Variants in EXOC4 observed in about 807,000 individuals in gnomAD.
EXOC4 encodes SEC8-like 1.
EXOC4 carries 71 observed loss-of-function variants against 107.2 expected under a neutral mutation model. The observed-to-expected ratio is 0.66, with a 90% CI of 0.55 to 0.81. EXOC4 has a LOEUF of 0.81. EXOC4 is among the 30% of genes least tolerant of loss of function. EXOC4 has a pLI of 0.00. For missense variants in EXOC4, 1,108 were observed against 1,189.6 expected (o/e 0.93, Z 1.01); for synonymous variants, 456 against 441.2 (o/e 1.03, Z -0.42).
chr7:133,544,688 T>C (rs1800446115), intron 9 of EXOC4, among the ~76,000 whole-genome samples: 1 of 151,702 alleles, frequency 6.6e-6, no homozygotes, highest in Non-Finnish European at 1.5e-5. Context: ...TTGTTAGATA[T>C]TTTGTCAAAT....
At position 133,509,996 on chromosome 7, in the gene EXOC4, C is replaced by T. The variant is rs189082340; in HGVS notation, c.1417+29858C>T. 3.9e-5 allele frequency among the ~76,000 whole-genome samples: 6 copies of T among 152,252 alleles called. No homozygotes were observed. In the East Asian group the frequency reaches 1.2e-3, roughly 29 times the overall value. On this transcript the variant is annotated intron_variant, in intron 9 of 17. Coordinates refer to ENST00000253861, the MANE Select transcript of EXOC4 (RefSeq NM_021807.4). Reference sequence around the variant, plus strand: ...TAACAAGTTTATTGAGGCGTAATTACAGAACATAAAATTCACTGCTTTTAA... The same window carrying T: ...TAACAAGTTTATTGAGGCGTAATTATAGAACATAAAATTCACTGCTTTTAA...
intron 11 of EXOC4, 92 bp downstream of exon 11, chr7:133,817,636 T>A: frequency 1.1e-6 from 1 of 896,250 alleles, no homozygotes; most frequent in Non-Finnish European, 1.7e-6. Flanking sequence ...TTACCATCTG[T>A]TTCCATATTC....
At chr7:133,301,038 G>C (rs752992278) in intron 3 of EXOC4, among the ~76,000 whole-genome samples, 18 of 152,134 alleles carry the variant, frequency 1.2e-4, no homozygotes, top group African/African-American at 4.3e-4. Flanking sequence ...AAATATCTTC[G>C]CTGCTTGCTT....
chr7:133,721,900 T>TTTTG (rs919977009), intron 10 of EXOC4, among the ~76,000 whole-genome samples: 3 of 152,150 alleles, frequency 2.0e-5, no homozygotes, highest in Admixed American at 6.6e-5. Flanking sequence ...ACCCAGGAGT[T>TTTTG]TTTGTTTGTT....
chr7:134,044,681 C>T (rs1431700477), intron 17 of EXOC4, among the ~76,000 whole-genome samples: 5 of 152,334 alleles, frequency 3.3e-5, no homozygotes, highest in Non-Finnish European at 5.9e-5. Context: ...ATGTAGCACA[C>T]GTTAGCACAA....
At chr7:134,056,283 C>T (rs902285516) in intron 17 of EXOC4, among the ~76,000 whole-genome samples, 1 of 152,144 alleles carries the variant, frequency 6.6e-6, no homozygotes, top group Non-Finnish European at 1.5e-5. Context: ...GAATAGCACT[C>T]CTTAACCTGG....
At chr7:133,381,363 T>C (rs546773492) in intron 7 of EXOC4, among the ~76,000 whole-genome samples, 15 of 152,072 alleles carry the variant, frequency 9.9e-5, no homozygotes, top group Non-Finnish European at 1.5e-4. Context: ...AGATGTAATA[T>C]GTAATGTTAT....
intron 14 of EXOC4, among the ~76,000 whole-genome samples, chr7:133,962,345 C>T (rs1166417240): frequency 6.6e-6 from 1 of 152,172 alleles, no homozygotes; most frequent in Non-Finnish European, 1.5e-5. Context: ...TACACATACC[C>T]CTGAGCTTTT....
At chr7:133,687,756 T>C (rs1440194059) in intron 10 of EXOC4, among the ~76,000 whole-genome samples, 1 of 152,106 alleles carries the variant, frequency 6.6e-6, no homozygotes, top group African/African-American at 2.4e-5. Flanking sequence ...TTAATACAAG[T>C]GCTAATTTTT....
At chr7:133,843,956 A>G (rs1798071521) in intron 11 of EXOC4, among the ~76,000 whole-genome samples, 1 of 152,142 alleles carries the variant, frequency 6.6e-6, no homozygotes, top group Non-Finnish European at 1.5e-5. Flanking sequence ...TTATGTGATG[A>G]ACTCACATTT....
intron 7 of EXOC4, among the ~76,000 whole-genome samples, chr7:133,447,910 A>G (rs1340541541): frequency 1.3e-5 from 2 of 152,228 alleles, no homozygotes; most frequent in Non-Finnish European, 2.9e-5. Context: ...GTTCCTAAGC[A>G]AAAAATGTCT....
chr7:133,735,061 A>T (rs1489218009), intron 10 of EXOC4, among the ~76,000 whole-genome samples: 1 of 149,294 alleles, frequency 6.7e-6, no homozygotes, highest in East Asian at 2.0e-4. Context: ...AAAAAAAAAA[A>T]AAAAAAATAC....
chr7:133,463,895 G>A (rs1169833198), intron 7 of EXOC4, among the ~76,000 whole-genome samples: 3 of 152,128 alleles, frequency 2.0e-5, no homozygotes, highest in African/African-American at 7.2e-5. Flanking sequence ...CTTATAAAGT[G>A]ATTGCTGTGC....
intron 10 of EXOC4, among the ~76,000 whole-genome samples, chr7:133,759,457 G>C (rs561297093): frequency 6.6e-6 from 1 of 152,182 alleles, no homozygotes; most frequent in Admixed American, 6.5e-5. Context: ...CAGATCTACA[G>C]TGGCTTTCCA....
intron 9 of EXOC4, among the ~76,000 whole-genome samples, chr7:133,489,008 T>C (rs532385936): frequency 2.5e-4 from 14 of 56,672 alleles, no homozygotes; most frequent in African/African-American, 6.2e-4. Flanking sequence ...TATATATGAA[T>C]CTAATATATA....
At chr7:133,836,103 A>G (rs1187959229) in intron 11 of EXOC4, among the ~76,000 whole-genome samples, 1 of 152,244 alleles carries the variant, frequency 6.6e-6, no homozygotes, top group East Asian at 1.9e-4. Flanking sequence ...TGATGGAAAT[A>G]TAATATAGCA....
At chr7:133,538,024 AG>A (rs546708518) in intron 9 of EXOC4, among the ~76,000 whole-genome samples, 14 of 152,122 alleles carry the variant, frequency 9.2e-5, no homozygotes, top group Non-Finnish European at 1.9e-4. Context: ...TGTGACTGAC[AG>A]GTATCTGAGG....
rs150249696 is a variant in EXOC4 at position 133,438,945 on chromosome 7, T to C, written c.1183-36383T>C. ...ATTTTGCTGAGGTGCTGATAGAACATAAGAACAATGACTGGGAATCAGGAA... is the reference window on the plus strand; with the variant it reads ...ATTTTGCTGAGGTGCTGATAGAACACAAGAACAATGACTGGGAATCAGGAA... On this transcript the variant is annotated intron_variant, in intron 7 of 17. Coordinates refer to ENST00000253861, the MANE Select transcript of EXOC4 (RefSeq NM_021807.4). Among the ~76,000 whole-genome samples the C allele has an allele frequency of 3.7e-4, 56 of 152,300 alleles. 1 individual carries two copies. In the East Asian group the frequency reaches 0.011, roughly 29 times the overall value.
chr7:133,330,781 C>A (rs1418415947), intron 5 of EXOC4, among the ~76,000 whole-genome samples: 1 of 151,968 alleles, frequency 6.6e-6, no homozygotes, highest in Admixed American at 6.6e-5. Context: ...GTGGGCTGCA[C>A]CCACTGTCCA....
Sources: gnomAD v4.1 joint callset for allele counts (sites outside exome capture counted in the v4.1 genomes callset) on GRCh38, gnomAD v4.1.1 for gene constraint, MANE v1.5 for transcripts, NCBI Gene and HGNC (gene_info 2026-07-23, HGNC 2026-07-21) for gene names.